EFTUD2: variants seen among roughly 807,000 people sequenced by gnomAD.
The protein encoded by EFTUD2 is elongation factor Tu GTP binding domain containing 2, also known as 116 kDa U5 small nuclear ribonucleoprotein component.
Under a neutral mutation model 114.3 loss-of-function variants are expected in EFTUD2, and 9 were observed. The observed-to-expected ratio is 0.08, with a 90% CI of 0.05 to 0.14. The LOEUF is 0.14. EFTUD2 is among the 10% of genes least tolerant of loss of function. The pLI, the probability that EFTUD2 is intolerant of heterozygous loss-of-function variation, is 1.00. For missense variants in EFTUD2, 765 were observed against 1,241.2 expected (o/e 0.62, Z 5.76); for synonymous variants, 449 against 462.3 (o/e 0.97, Z 0.37).
At chr17:44,858,478 T>C (rs2050597533) in intron 19 of EFTUD2, among the ~76,000 whole-genome samples, 1 of 152,194 alleles carries the variant, frequency 6.6e-6, no homozygotes, top group African/African-American at 2.4e-5. Flanking sequence ...TGATTGCTCA[T>C]TGCAGCCATG....
intron 5 of EFTUD2, 59 bp downstream of exon 5, chr17:44,883,590 A>C (rs2051112042): frequency 6.5e-7 from 1 of 1,529,064 alleles, no homozygotes; most frequent in African/African-American, 1.4e-5. Context: ...CTAAGGGCTA[A>C]AACATGAGCA....
Position 44,854,456 on chromosome 17 carries a change from AC to A in EFTUD2, c.2259+99del, listed in dbSNP as rs1452774637. The A allele has an allele frequency of 3.2e-6, 5 of 1,565,130 alleles. No homozygotes were observed. The African/African-American group carries it at 6.8e-5, about 21-fold the overall frequency. On this transcript the variant is annotated intron_variant, in intron 22 of 27. Transcript: ENST00000426333. This position sits in a 1 kb window ranked among gnomAD's most constrained non-coding sequence, Gnocchi z 4.3. ...TGCCTGTAAGGGGATACTGTCCTTC[AC>A]CAGAGGACACAAGATACTTTTGGGA...
At chr17:44,871,821 C>A (rs1441773571) in intron 11 of EFTUD2, among the ~76,000 whole-genome samples, 1 of 152,180 alleles carries the variant, frequency 6.6e-6, no homozygotes, top group Non-Finnish European at 1.5e-5. Context: ...AGTGACTTCC[C>A]TCTAAGGAAC....
intron 11 of EFTUD2, among the ~76,000 whole-genome samples, chr17:44,869,968 T>C (rs1567740660): frequency 6.6e-6 from 1 of 152,244 alleles, no homozygotes; most frequent in Non-Finnish European, 1.5e-5. Context: ...GCACATGGTA[T>C]CAGTTTTGGT....
chr17:44,855,084 G>A (rs1402230652), intron 20 of EFTUD2, 80 bp from the exon 21 acceptor site: 15 of 1,263,012 alleles, frequency 1.2e-5, no homozygotes, highest in South Asian at 4.8e-5. Flanking sequence ...GTAACAAGAC[G>A]GACAGCTGAG....
intron 2 of EFTUD2, 123 bp from the exon 3 acceptor site, chr17:44,886,873 T>A (rs79951802): frequency 6.8e-7 from 1 of 1,462,592 alleles, no homozygotes; most frequent in African/African-American, 1.4e-5. Flanking sequence ...CTGAGTTCTA[T>A]GCCAGTGGGG....
chr17:44,860,342 A>G, intron 17 of EFTUD2, 90 bp downstream of exon 17: 1 of 938,384 alleles, frequency 1.1e-6, no homozygotes, highest in Non-Finnish European at 1.7e-6. Context: ...GGACATGGCA[A>G]TGACTGTGGA....
chr17:44,890,779 C>T lies in EFTUD2; in HGVS notation c.105+3638G>A, dbSNP rs142564757. On this transcript the variant is annotated intron_variant, in intron 2 of 27. Coordinates refer to ENST00000426333, the MANE Select transcript of EFTUD2 (RefSeq NM_004247.4). ...CTGCTGGAAAGAGGGTAGACCAGTA[C>T]AGCCATTTTAAAGGGCAATCTGACA... Among the ~76,000 whole-genome samples, 11 of 152,274 alleles carry T rather than the reference C, an allele frequency of 7.2e-5. No individual in the cohort carries two copies. The East Asian group carries it at 1.9e-3, about 27-fold the overall frequency.
rs758301115 is a variant in EFTUD2 at position 44,851,229 on chromosome 17, T to C, written c.*45A>G. 5 of 1,493,314 alleles carry C rather than the reference T, an allele frequency of 3.3e-6. No homozygotes were observed. In the South Asian group the frequency reaches 5.6e-5, roughly 17 times the overall value. 92.5% of individuals were successfully genotyped at this position (1,493,314 alleles called of 1,614,324 possible). ...GAGGTCTCAGCTTCAAGTACAGGAG[T>C]TGCAGCCCACTGTAGGGAGCAGGAG... On this transcript the variant is annotated 3_prime_UTR_variant, in exon 28 of 28. Transcript: ENST00000426333.
chr17:44,874,032 CCT>C (rs1388955172), intron 10 of EFTUD2, among the ~76,000 whole-genome samples: 8 of 145,674 alleles, frequency 5.5e-5, no homozygotes, highest in African/African-American at 2.0e-4. Context: ...CCGTGCCCGG[CCT>C]CTTTTTTTTT....
At chr17:44,877,387 A>T (rs2050982085) in intron 9 of EFTUD2, among the ~76,000 whole-genome samples, 1 of 152,254 alleles carries the variant, frequency 6.6e-6, no homozygotes, top group South Asian at 2.1e-4. Flanking sequence ...GGACAAGAGC[A>T]CTAGAGCACC....
At chr17:44,853,264 G>A in intron 25 of EFTUD2, 32 bp downstream of exon 25, 1 of 1,607,574 alleles carries the variant, frequency 6.2e-7, no homozygotes, top group Non-Finnish European at 8.5e-7. Context: ...CTTGCTCTCA[G>A]CACTCTCCCT....
intron 5 of EFTUD2, 82 bp from the exon 6 acceptor site, chr17:44,883,240 A>G: frequency 1.5e-6 from 2 of 1,300,398 alleles, no homozygotes; most frequent in East Asian, 2.4e-5. Context: ...AATACACCAC[A>G]TAATTTAGGG....
In EFTUD2 at chr17:44,851,201, TATG is replaced by T. The variant is rs1429183521; in HGVS notation, c.*70_*72del. ...CTCTGACAACACGAAGGCCACGTCA[TATG>T]AGGTCTCAGCTTCAAGTACAGGAGT... On this transcript the variant is annotated 3_prime_UTR_variant, in exon 28 of 28. Transcript: ENST00000426333. The T allele has an allele frequency of 3.2e-6, 4 of 1,255,318 alleles. No individual in the cohort carries two copies. The East Asian group carries it at 9.3e-5, about 29-fold the overall frequency. 77.8% of individuals were successfully genotyped at this position (1,255,318 alleles called of 1,614,324 possible).
intron 14 of EFTUD2, 81 bp downstream of exon 14, chr17:44,864,849 G>T (rs1305411404): frequency 6.4e-7 from 1 of 1,556,638 alleles, no homozygotes; most frequent in Non-Finnish European, 8.7e-7. Flanking sequence ...GACCTCCATC[G>T]CTGGGTGAGA....
chr17:44,858,457 C>T (rs1371550921), intron 19 of EFTUD2, among the ~76,000 whole-genome samples: 1 of 152,098 alleles, frequency 6.6e-6, no homozygotes, highest in East Asian at 1.9e-4. Context: ...AAAAGGAGAG[C>T]AATGGCACAA....
At chr17:44,882,691 T>C (rs1357002806) in intron 6 of EFTUD2, among the ~76,000 whole-genome samples, 2 of 152,236 alleles carry the variant, frequency 1.3e-5, no homozygotes, top group Non-Finnish European at 2.9e-5. Context: ...CTGGCAGGGT[T>C]TGAACATTTA....
Position 44,897,211 on chromosome 17 carries a change from G to A in EFTUD2, c.-5+2158C>T, listed in dbSNP as rs1324464610. ...AGCCTGGGTGACAGAGAGAGACTCC[G>A]TCTCAAAAAAAAAAAAAAAAAAAAA... On this transcript the variant is annotated intron_variant, in intron 1 of 27. Coordinates refer to ENST00000426333, the MANE Select transcript of EFTUD2 (RefSeq NM_004247.4). 6.9e-5 allele frequency among the ~76,000 whole-genome samples: 7 copies of A among 101,096 alleles called. No homozygotes were observed. In the East Asian group the frequency reaches 1.9e-3, roughly 27 times the overall value. 66.3% of individuals were successfully genotyped at this position (101,096 alleles called of 152,430 possible). A position where few individuals can be genotyped will look rare whatever the true frequency, so the allele number is the denominator to read the frequency against.
In EFTUD2 at chr17:44,851,168, C is replaced by G; in HGVS notation, c.*106G>C. On this transcript the variant is annotated 3_prime_UTR_variant, in exon 28 of 28. Transcript: ENST00000426333. ...TGTTCAAGATGGCAACAGCAGCTTC[C>G]AGACACTCTCTGACAACACGAAGGC... 1 of 909,844 alleles carries G rather than the reference C, an allele frequency of 1.1e-6. No individual in the cohort carries two copies. The highest frequency in any genetic ancestry group is 1.8e-6 in the Non-Finnish European group (1 of 558,362). 56.4% of individuals were successfully genotyped at this position (909,844 alleles called of 1,614,324 possible). A position where few individuals can be genotyped will look rare whatever the true frequency, so the allele number is the denominator to read the frequency against.
Sources: allele counts gnomAD v4.1 joint callset (sites outside exome capture counted in the v4.1 genomes callset), GRCh38; gene constraint gnomAD v4.1.1; non-coding constraint Gnocchi (gnomAD v3.1); transcripts MANE v1.5; gene names NCBI Gene and HGNC (gene_info 2026-07-23, HGNC 2026-07-21).